The following TNFRSF10C variants were observed in gnomAD, a reference collection of about 807,000 sequenced individuals.
TNFRSF10C encodes the protein tumor necrosis factor receptor superfamily member 10C.
TNFRSF10C carries 17 observed loss-of-function variants against 16.7 expected under a neutral mutation model. The ratio of observed to expected loss-of-function variants is 1.02; its 90% confidence interval spans 0.70 to 1.53. The LOEUF is 1.53. Among genes scored for constraint, TNFRSF10C ranks in the 40% most tolerant of loss-of-function variants. TNFRSF10C has a pLI of 0.00. For missense variants in TNFRSF10C, 237 were observed against 329.7 expected, an observed-to-expected ratio of 0.72 and a Z score of 2.18; for synonymous variants, 73 against 119.7, an observed-to-expected ratio of 0.61 and a Z score of 2.55.
chr8:23,109,906 A>G (rs753876968), intron 1 of TNFRSF10C, among the ~76,000 whole-genome samples: 1 of 151,712 alleles, frequency 6.6e-6, no homozygotes, highest in Non-Finnish European at 1.5e-5. Flanking sequence ...TCTACAAAAT[A>G]TGTGAAAATT....
chr8:23,111,262 A>C (rs1470132166), intron 1 of TNFRSF10C, among the ~76,000 whole-genome samples: 1 of 149,608 alleles, frequency 6.7e-6, no homozygotes, highest in Non-Finnish European at 1.5e-5. Flanking sequence ...CTGTCACCAC[A>C]TTGGAGTGCA....
rs375148091 is a variant in TNFRSF10C, at chr8:23,117,387, G to C, written c.*356G>C. 6.3e-4 allele frequency: 245 copies of C among 389,366 alleles called. No homozygotes were observed. The highest frequency in any genetic ancestry group is 4.2e-3 in the African/African-American group (208 of 49,922). The allele number at this position is 389,366 out of a possible 1,614,324, so 24.1% of individuals were successfully genotyped here. On this transcript the variant is annotated 3_prime_UTR_variant, in exon 5 of 5. Transcript: ENST00000356864. ...TCGGCTCCTCAACTGGGTGACAAGG[G>C]TGAGGATGAGAAGTGGTCACGGGAT...
chr8:23,104,603 T>G (rs1233553060), intron 1 of TNFRSF10C, among the ~76,000 whole-genome samples: 1 of 152,222 alleles, frequency 6.6e-6, no homozygotes, highest in Non-Finnish European at 1.5e-5. Flanking sequence ...CTTCAGAAGT[T>G]TCTTTAAATG....
chr8:23,108,178 G>T (rs1813813705), intron 1 of TNFRSF10C, among the ~76,000 whole-genome samples: 1 of 151,976 alleles, frequency 6.6e-6, no homozygotes, highest in South Asian at 2.1e-4. Context: ...GGAAGGAACA[G>T]GAAGGAAAGG....
At position 23,103,139 on chromosome 8, in the gene TNFRSF10C, G is replaced by C. The variant is rs769829841; in HGVS notation, c.18G>C (p.Lys6Asn). Residue 6 changes from lysine to asparagine, a missense_variant, in exon 1 of 5, where the codon AAG becomes AAC. This residue lies in a region of TNFRSF10C where 212 missense variants were observed against 196.8 expected (regional missense o/e 1.08). Coordinates refer to ENST00000356864, the MANE Select transcript of TNFRSF10C (RefSeq NM_003841.5). MARIP[K>N]TLKFVVVIVA... is the part of the protein sequence containing the mutation. ...ACCATACCATGGCCCGGATCCCCAAGACCCTAAAGTTCGTCGTCGTCATCG... is the reference window on the plus strand; with the variant it reads ...ACCATACCATGGCCCGGATCCCCAACACCCTAAAGTTCGTCGTCGTCATCG... The C allele has an allele frequency of 1.0e-4, 167 of 1,612,402 alleles. 4 individuals carry two copies. In the South Asian group the frequency reaches 1.8e-3, roughly 17 times the overall value.
intron 4 of TNFRSF10C, 85 bp downstream of exon 4, chr8:23,115,701 C>A: frequency 4.5e-6 from 5 of 1,100,950 alleles, no homozygotes; most frequent in Non-Finnish European, 6.7e-6. Context: ...CTCCGCTGAC[C>A]CTATGGAGCC....
At chr8:23,107,999 G>A (rs1269950165) in intron 1 of TNFRSF10C, among the ~76,000 whole-genome samples, 1 of 152,192 alleles carries the variant, frequency 6.6e-6, no homozygotes, top group Non-Finnish European at 1.5e-5. Flanking sequence ...TGAGATCCGA[G>A]TTACCCTACG....
chr8:23,115,785 T>C (rs1813972209), intron 4 of TNFRSF10C, among the ~76,000 whole-genome samples, 169 bp downstream of exon 4: 1 of 152,126 alleles, frequency 6.6e-6, no homozygotes, highest in Non-Finnish European at 1.5e-5. Flanking sequence ...TCCATCTGCC[T>C]GTCCCCACCC....
chr8:23,115,482 C>T lies in TNFRSF10C; in HGVS notation c.281-26C>T, dbSNP rs751283485. On this transcript the variant is annotated intron_variant, in intron 3 of 4. Coordinates refer to ENST00000356864, the MANE Select transcript of TNFRSF10C (RefSeq NM_003841.5). Reference sequence around the variant, plus strand: ...GAGGGATACATCAGGGAAACACATTCCCAAAACCTTATGCTCTGTTGTCAG... The same window carrying T: ...GAGGGATACATCAGGGAAACACATTTCCAAAACCTTATGCTCTGTTGTCAG... 1.3e-5 allele frequency: 20 copies of T among 1,598,136 alleles called. No homozygotes were observed. The South Asian group carries it at 1.8e-4, about 14-fold the overall frequency.
In TNFRSF10C at chr8:23,116,825, C is replaced by G. The variant is rs780610147; in HGVS notation, c.574C>G (p.Pro192Ala). The part of the protein sequence containing the change: ...TMNTSPGTPA[P>A]AAEETMTTSP... ...GAACACCAGCCCGGGGACTCCTGCC[C>G]CAGCTGCTGAAGAGACAATGACCAC... Residue 192 changes from proline (P) to alanine (A), a missense_variant, in exon 5 of 5, where the codon CCA (proline) becomes GCA (alanine). Physicochemically the swap from Pro to Ala is conservative, Grantham distance 27 (BLOSUM62 -1). Coordinates refer to ENST00000356864, the MANE Select transcript of TNFRSF10C (RefSeq NM_003841.5). 6.2e-7 allele frequency: 1 copy of G among 1,608,944 alleles called. No individual in the cohort carries two copies. Among genetic ancestry groups the G allele is most frequent in the African/African-American group, 1.4e-5 (1 of 73,286 alleles).
chr8:23,106,336 G>C (rs755427059), intron 1 of TNFRSF10C, among the ~76,000 whole-genome samples: 3 of 152,100 alleles, frequency 2.0e-5, no homozygotes, highest in Non-Finnish European at 4.4e-5. Flanking sequence ...ATAGGATGTG[G>C]TACTGTTGGC....
chr8:23,117,161 C>T lies in TNFRSF10C; in HGVS notation c.*130C>T, dbSNP rs1462859912. On this transcript the variant is annotated 3_prime_UTR_variant, in exon 5 of 5. Transcript: ENST00000356864. Reference sequence around the variant, plus strand: ...GTGTTCCCACAGACAGAAACGCCTGCCCCTGCCCCAAGTCCTGGTGTCTCC... The same window carrying T: ...GTGTTCCCACAGACAGAAACGCCTGTCCCTGCCCCAAGTCCTGGTGTCTCC... 15 of 1,384,838 alleles carry T rather than the reference C, an allele frequency of 1.1e-5. No individual in the cohort carries two copies. In the African/African-American group the frequency reaches 1.7e-4, roughly 16 times the overall value. The allele number at this position is 1,384,838 out of a possible 1,614,324, so 85.8% of individuals were successfully genotyped here.
chr8:23,115,349 T>C (rs1813959923), intron 3 of TNFRSF10C, among the ~76,000 whole-genome samples, 159 bp from the exon 4 acceptor site: 2 of 151,424 alleles, frequency 1.3e-5, no homozygotes, highest in Admixed American at 1.3e-4. Context: ...AGCTGAAGGG[T>C]GGGTGTCCTG....
chr8:23,106,144 G>A (rs1376812958), intron 1 of TNFRSF10C, among the ~76,000 whole-genome samples: 1 of 152,204 alleles, frequency 6.6e-6, no homozygotes, highest in Non-Finnish European at 1.5e-5. Flanking sequence ...GCCGGAGTTT[G>A]GGAGGACAAA....
intron 1 of TNFRSF10C, among the ~76,000 whole-genome samples, chr8:23,107,716 G>A (rs1813804168): frequency 6.6e-6 from 1 of 152,150 alleles, no homozygotes; most frequent in Admixed American, 6.5e-5. Context: ...TAGCTTAAAT[G>A]GTAAACTTAC....
intron 1 of TNFRSF10C, among the ~76,000 whole-genome samples, chr8:23,105,283 G>C (rs1171669775): frequency 6.6e-6 from 1 of 152,206 alleles, no homozygotes; most frequent in South Asian, 2.1e-4. Flanking sequence ...ACCTCAGAGG[G>C]CTGTGTTACC....
intron 1 of TNFRSF10C, chr8:23,103,529 T>C (rs1213214096): frequency 5.2e-6 from 2 of 381,002 alleles, no homozygotes; most frequent in Non-Finnish European, 9.7e-6. Flanking sequence ...AATTAGTTAA[T>C]AAAATTAACC....
At chr8:23,109,925 G>A (rs9314261) in intron 1 of TNFRSF10C, among the ~76,000 whole-genome samples, 45,358 of 151,526 alleles carry the variant, frequency 0.3, 9,437 homozygotes, top group African/African-American at 0.56. Context: ...TTAGATGGGC[G>A]TTGTGGCACA....
At chr8:23,111,670 G>C (rs368157714) in intron 1 of TNFRSF10C, 50 bp from the exon 2 acceptor site, 2 of 1,418,316 alleles carry the variant, frequency 1.4e-6, no homozygotes, top group African/African-American at 1.4e-5. Flanking sequence ...GAGCCTGGGA[G>C]GGGTGAGGTC....
Sources: allele counts gnomAD v4.1 joint callset (sites outside exome capture counted in the v4.1 genomes callset), GRCh38; gene constraint gnomAD v4.1.1; regional missense constraint gnomAD v4.1.1; transcripts MANE v1.5; gene names NCBI Gene and HGNC (gene_info 2026-07-23, HGNC 2026-07-21).